Variants in TMEM151B observed in about 807,000 individuals in gnomAD.
The protein encoded by TMEM151B is transmembrane protein 193.
In TMEM151B, 18 loss-of-function variants were observed where a neutral mutation model predicts 33.0. The ratio of observed to expected loss-of-function variants is 0.55; its 90% CI spans 0.38 to 0.81. The LOEUF is 0.81. Among genes scored for constraint, TMEM151B ranks in the 30% least tolerant of loss-of-function variants. The pLI, the probability that TMEM151B is intolerant of heterozygous loss-of-function variation, is 0.00. For missense variants in TMEM151B, 672 were observed against 843.4 expected (o/e 0.80, Z 2.52); for synonymous variants, 354 against 373.6 (o/e 0.95, Z 0.61).
Position 44,279,347 on chromosome 6 carries a change from A to G in TMEM151B, c.*2820A>G, listed in dbSNP as rs1333721180. 2 of 152,338 alleles carry G rather than the reference A, an allele frequency of 1.3e-5. No homozygotes were observed. The highest frequency in any genetic ancestry group is 2.9e-5 in the Non-Finnish European group (2 of 68,088). The allele number at this position is 152,338 out of a possible 1,614,324, so 9.4% of individuals were successfully genotyped here. On this transcript the variant is annotated 3_prime_UTR_variant, in exon 3 of 3. Coordinates refer to ENST00000451188, the MANE Select transcript of TMEM151B (RefSeq NM_001137560.2). ...CTGGGGAGAAGACAGGTCTCTGTCA[A>G]TTGGGTGCATCACACTGTGGCCTTT...
intron 2 of TMEM151B, 45 bp from the exon 3 acceptor site, chr6:44,275,358 A>G: frequency 6.9e-7 from 1 of 1,459,294 alleles, no homozygotes; most frequent in Non-Finnish European, 9.0e-7. Flanking sequence ...GCGGGCACCA[A>G]TGACGGGCTC....
Position 44,275,397 on chromosome 6 carries a change from C to T in TMEM151B, c.577-6C>T, listed in dbSNP as rs1782539085. 4 of 1,495,476 alleles carry T rather than the reference C, an allele frequency of 2.7e-6. No homozygotes were observed. The highest frequency in any genetic ancestry group is 2.6e-5 in the South Asian group (2 of 77,176). The allele number at this position is 1,495,476 out of a possible 1,614,324, so 92.6% of individuals were successfully genotyped here. On this transcript the variant is annotated splice_region_variant and splice_polypyrimidine_tract_variant and intron_variant, in intron 2 of 2. Coordinates refer to ENST00000451188, the MANE Select transcript of TMEM151B (RefSeq NM_001137560.2). ...GCGACCCCGCCGCCTGCCCCCCGCG[C>T]CGCAGGTCTACCACGAACGCGTCAA...
At chr6:44,274,627 G>C (rs1046063926) in intron 2 of TMEM151B, among the ~76,000 whole-genome samples, 18 of 152,250 alleles carry the variant, frequency 1.2e-4, no homozygotes, top group Admixed American at 1.0e-3. Context: ...ACTAGAGATA[G>C]AGGGGTTCTT....
chr6:44,271,637 G>A lies in TMEM151B; in HGVS notation c.135+760G>A, dbSNP rs534135298. 1.4e-4 allele frequency among the ~76,000 whole-genome samples: 22 copies of A among 152,200 alleles called. No individual in the cohort carries two copies. The South Asian group carries it at 3.9e-3, about 27-fold the overall frequency. On this transcript the variant is annotated intron_variant, in intron 1 of 2. Coordinates refer to ENST00000451188, the MANE Select transcript of TMEM151B (RefSeq NM_001137560.2). ...CAAGCACATAACCAGGTAGGCACAC[G>A]AAGGGGCCCGTATGTTCATACCTCC... is the stretch of plus-strand genomic sequence containing the variant.
intron 1 of TMEM151B, among the ~76,000 whole-genome samples, chr6:44,271,429 G>C (rs778670157): frequency 6.7e-6 from 1 of 148,226 alleles, no homozygotes; most frequent in Non-Finnish European, 1.5e-5. Context: ...TCCCTAGTTG[G>C]GGTCCCTAGT....
In TMEM151B at chr6:44,278,838, CTAAT is replaced by C. The variant is rs1488918459; in HGVS notation, c.*2314_*2317del. 3.3e-5 allele frequency: 5 copies of C among 151,406 alleles called. No individual in the cohort carries two copies. The highest frequency in any genetic ancestry group is 1.2e-4 in the African/African-American group (5 of 41,174). 9.4% of individuals were successfully genotyped at this position (151,406 alleles called of 1,614,324 possible). A position where few individuals can be genotyped will look rare whatever the true frequency, so the allele number is the denominator to read the frequency against. ...CTTTACACTGAATGTTCTTGTTTCTCTAATTAGAACTTCTGCTAGCAGCTGTGGC... is the reference window on the plus strand; with the variant it reads ...CTTTACACTGAATGTTCTTGTTTCTCTAGAACTTCTGCTAGCAGCTGTGGC... On this transcript the variant is annotated 3_prime_UTR_variant, in exon 3 of 3. Transcript: ENST00000451188.
chr6:44,276,831 T>C lies in TMEM151B; in HGVS notation c.*304T>C. The C allele has an allele frequency of 2.9e-6, 1 of 339,650 alleles. No individual in the cohort carries two copies. The highest frequency in any genetic ancestry group is 5.0e-6 in the Non-Finnish European group (1 of 200,944). The allele number at this position is 339,650 out of a possible 1,614,324, so 21.0% of individuals were successfully genotyped here. A position where few individuals can be genotyped will look rare whatever the true frequency, so the allele number is the denominator to read the frequency against. On this transcript the variant is annotated 3_prime_UTR_variant, in exon 3 of 3. Transcript: ENST00000451188. ...CTCCTGTCCAGCCCTTCAACAGATCTTCTGTTAGATGACAACCGTGCCGTG... is the reference window on the plus strand; with the variant it reads ...CTCCTGTCCAGCCCTTCAACAGATCCTCTGTTAGATGACAACCGTGCCGTG...
At position 44,270,535 on chromosome 6, in the gene TMEM151B, C is replaced by G. The variant is rs1482663794; in HGVS notation, c.-208C>G. ...TGACACCCGCCCCCGGCCCCGGCCC[C>G]CCCCGGCCCGGCCCCCCAGCCTGCC... is the stretch of plus-strand genomic sequence containing the variant. On this transcript the variant is annotated 5_prime_UTR_variant, in exon 1 of 3. Coordinates refer to ENST00000451188, the MANE Select transcript of TMEM151B (RefSeq NM_001137560.2). 4 of 151,406 alleles carry G rather than the reference C, an allele frequency of 2.6e-5. No individual in the cohort carries two copies. Among genetic ancestry groups the G allele is most frequent in the Non-Finnish European group, 5.8e-5 (4 of 69,450 alleles). The allele number at this position is 151,406 out of a possible 1,614,324, so 9.4% of individuals were successfully genotyped here.
chr6:44,273,152 C>T lies in TMEM151B; in HGVS notation c.222C>T (p.Gly74=), dbSNP rs1782432320. Residue 74 remains glycine, a synonymous_variant, in exon 2 of 3, where the codon GGC becomes GGT. Transcript: ENST00000451188. ...KCLLLSLLMY[G]CLGAVAWCHV... is the part of the protein sequence containing the mutation. ...TCCTGCTCTCGCTGCTCATGTACGG[C>T]TGCCTGGGGGCAGTGGCCTGGTGCC... 2 of 1,543,976 alleles carry T rather than the reference C, an allele frequency of 1.3e-6. No homozygotes were observed. Among genetic ancestry groups the T allele is most frequent in the Non-Finnish European group, 1.8e-6 (2 of 1,141,504 alleles).
At chr6:44,270,994 C>A in intron 1 of TMEM151B, 117 bp downstream of exon 1, 1 of 737,214 alleles carries the variant, frequency 1.4e-6, no homozygotes, top group Non-Finnish European at 1.7e-6. Context: ...CACCCCGAGC[C>A]GGCCGCTGCA....
Position 44,276,689 on chromosome 6 carries a change from C to T in TMEM151B, c.*162C>T. The T allele has an allele frequency of 1.6e-6, 2 of 1,255,508 alleles. No homozygotes were observed. The highest frequency in any genetic ancestry group is 2.0e-6 in the Non-Finnish European group (2 of 998,324). The allele number at this position is 1,255,508 out of a possible 1,614,324, so 77.8% of individuals were successfully genotyped here. On this transcript the variant is annotated 3_prime_UTR_variant, in exon 3 of 3. Coordinates refer to ENST00000451188, the MANE Select transcript of TMEM151B (RefSeq NM_001137560.2). ...ACAGGCCCGGATGGGGCCGAGACCC[C>T]CGCTGTCCCTGTACATAAAGAGACC...
intron 2 of TMEM151B, among the ~76,000 whole-genome samples, chr6:44,274,011 C>A (rs1782468951): frequency 6.6e-6 from 1 of 152,034 alleles, no homozygotes; most frequent in Non-Finnish European, 1.5e-5. Flanking sequence ...GAGTTTGAGA[C>A]CAGCCCACCC....
At position 44,270,808 on chromosome 6, in the gene TMEM151B, C is replaced by T. The variant is rs1488611567; in HGVS notation, c.66C>T (p.Pro22=). Reference sequence around the variant, plus strand: ...GCGGCGGCGGCGGCGGTGGCGGCCCCGGGGTCTCGGAGGAGCTCACGGCGG... The same window carrying T: ...GCGGCGGCGGCGGCGGTGGCGGCCCTGGGGTCTCGGAGGAGCTCACGGCGG... The part of the protein sequence containing the change: ...AAGGGGGGGG[P]GVSEELTAAA... Residue 22 remains proline, a synonymous_variant, in exon 1 of 3, where the codon CCC becomes CCT. Coordinates refer to ENST00000451188, the MANE Select transcript of TMEM151B (RefSeq NM_001137560.2). 9 of 1,128,206 alleles carry T rather than the reference C, an allele frequency of 8.0e-6. No homozygotes were observed. The highest frequency in any genetic ancestry group is 9.8e-6 in the Non-Finnish European group (9 of 922,804). The allele number at this position is 1,128,206 out of a possible 1,614,324, so 69.9% of individuals were successfully genotyped here.
chr6:44,275,117 C>CAAAAAAAAA (rs55699643), intron 2 of TMEM151B, among the ~76,000 whole-genome samples: 1 of 111,816 alleles, frequency 8.9e-6, no homozygotes, highest in Admixed American at 9.0e-5. Flanking sequence ...GACTCCATCT[C>CAAAAAAAAA]AAAAAAAAAA....
chr6:44,273,654 A>G, intron 2 of TMEM151B, 148 bp downstream of exon 2: 1 of 878,286 alleles, frequency 1.1e-6, no homozygotes, highest in Non-Finnish European at 1.7e-6. Flanking sequence ...GCAGGGCAAT[A>G]GCAACAACCA....
chr6:44,273,572 C>A (rs1583014645), intron 2 of TMEM151B, 66 bp downstream of exon 2: 1 of 1,468,142 alleles, frequency 6.8e-7, no homozygotes, highest in East Asian at 2.5e-5. Context: ...CTGCCTCACT[C>A]CCTCCCCACC....
At position 44,277,756 on chromosome 6, in the gene TMEM151B, G is replaced by A. The variant is rs1030680937; in HGVS notation, c.*1229G>A. ...TCCCTATCCTATGAGCTGAAGCCCT[G>A]CTGTGTGTCGCAGGGTCTTCAAAGG... On this transcript the variant is annotated 3_prime_UTR_variant, in exon 3 of 3. Transcript: ENST00000451188. 2.6e-5 allele frequency: 4 copies of A among 152,178 alleles called. No individual in the cohort carries two copies. Among genetic ancestry groups the A allele is most frequent in the African/African-American group, 9.7e-5 (4 of 41,392 alleles). The allele number at this position is 152,178 out of a possible 1,614,324, so 9.4% of individuals were successfully genotyped here.
chr6:44,276,118 G>A lies in TMEM151B; in HGVS notation c.1292G>A (p.Arg431His), dbSNP rs1782577946. 1 of 1,320,246 alleles carries A rather than the reference G, an allele frequency of 7.6e-7. No individual in the cohort carries two copies. The highest frequency in any genetic ancestry group is 9.6e-7 in the Non-Finnish European group (1 of 1,043,616). 81.8% of individuals were successfully genotyped at this position (1,320,246 alleles called of 1,614,324 possible). ...GCGGCGGGCGTGGCTCCCTACCGGC[G>A]CAGCTGCGAGCACTGCCAGCGCGCC... ...PGAAGVAPYR[R>H]SCEHCQRAVS... The change falls in exon 3 of 3, where the codon CGC (arginine) becomes CAC (histidine). Residue 431 changes from arginine (R) to histidine (H), a missense_variant. Around this residue, in one of 3 missense-constraint regions of TMEM151B, gnomAD observed 324 missense variants for 363.1 expected, o/e 0.89. Transcript: ENST00000451188.
rs967079339 is a variant in TMEM151B at position 44,276,342 on chromosome 6, C to G, written c.1516C>G (p.Arg506Gly). ...NEASCPTEQT[R>G]LSSQASMGDD... ...GGCCAGCTGCCCCACGGAGCAGACG[C>G]GGCTGTCCAGCCAGGCCAGCATGGG... Residue 506 changes from arginine (R) to glycine (G), a missense_variant, in exon 3 of 3, where the codon CGG becomes GGG. Coordinates refer to ENST00000451188, the MANE Select transcript of TMEM151B (RefSeq NM_001137560.2). The G allele has an allele frequency of 6.7e-7, 1 of 1,494,236 alleles. No individual in the cohort carries two copies. The highest frequency in any genetic ancestry group is 1.4e-5 in the African/African-American group (1 of 69,386). 92.6% of individuals were successfully genotyped at this position (1,494,236 alleles called of 1,614,324 possible). A position where few individuals can be genotyped will look rare whatever the true frequency, so the allele number is the denominator to read the frequency against.
Sources: allele counts gnomAD v4.1 joint callset (sites outside exome capture counted in the v4.1 genomes callset), GRCh38; gene constraint gnomAD v4.1.1; regional missense constraint gnomAD v4.1.1; transcripts MANE v1.5; gene names NCBI Gene and HGNC (gene_info 2026-07-23, HGNC 2026-07-21).